Variants in RAC1 observed in about 807,000 individuals in gnomAD.
The protein encoded by RAC1 is ras-related C3 botulinum toxin substrate 1.
RAC1 carries 2 observed loss-of-function variants against 25.2 expected under a neutral mutation model. The ratio of observed to expected loss-of-function variants is 0.08; its 90% CI spans 0.03 to 0.25. The LOEUF is 0.25. Ranked by LOEUF, RAC1 falls within the 10% of genes least tolerant of loss-of-function variation. The pLI is 1.00. For synonymous variants in RAC1, 88 were observed against 94.0 expected (o/e 0.94, Z 0.37); for missense variants, 50 against 235.7 (o/e 0.21, Z 5.16).
rs1783478221 is a variant in RAC1 at position 6,403,440 on chromosome 7, T to A, written c.*994T>A. The A allele has an allele frequency of 4.6e-6, 1 of 215,398 alleles. No individual in the cohort carries two copies. Among genetic ancestry groups the A allele is most frequent in the East Asian group, 7.0e-5 (1 of 14,370 alleles). The allele number at this position is 215,398 out of a possible 1,614,324, so 13.3% of individuals were successfully genotyped here. ...TAGAACCCCTTCTGACTGAGCAATA[T>A]GCCTCCTTGTATTATAAAATCTTTC... is the stretch of plus-strand genomic sequence containing the variant. On this transcript the variant is annotated 3_prime_UTR_variant, in exon 6 of 6. Transcript: ENST00000348035.
At chr7:6,394,248 A>G (rs375989082) in intron 3 of RAC1, among the ~76,000 whole-genome samples, 2 of 152,026 alleles carry the variant, frequency 1.3e-5, no homozygotes, top group East Asian at 3.8e-4. Flanking sequence ...CAGACCATTC[A>G]TTTCTTCTTC....
intron 5 of RAC1, 49 bp from the exon 6 acceptor site, chr7:6,402,267 A>T (rs2115218057): frequency 6.4e-7 from 1 of 1,558,560 alleles, no homozygotes; most frequent in East Asian, 2.3e-5. Flanking sequence ...GTGTGATCAG[A>T]AGAGAGTGGG....
chr7:6,392,971 TCTC>T (rs1283819906), intron 3 of RAC1, among the ~76,000 whole-genome samples: 1 of 152,196 alleles, frequency 6.6e-6, no homozygotes, highest in Non-Finnish European at 1.5e-5. Flanking sequence ...CTGTCAGAAT[TCTC>T]CTGTTCCTCA....
At chr7:6,382,752 A>G (rs1429214398) in intron 1 of RAC1, among the ~76,000 whole-genome samples, 4 of 152,372 alleles carry the variant, frequency 2.6e-5, no homozygotes, top group African/African-American at 9.6e-5. Flanking sequence ...GCTTACGTGT[A>G]GTCCCAGCTA....
At chr7:6,383,435 T>TTAAAG (rs10631987) in intron 1 of RAC1, among the ~76,000 whole-genome samples, 92,312 of 151,572 alleles carry the variant, frequency 0.61, 29,955 homozygotes, top group East Asian at 0.91. Flanking sequence ...AGGTTGCACT[T>TTAAAG]TAAGAATTCT....
At chr7:6,382,328 A>G (rs571941259) in intron 1 of RAC1, among the ~76,000 whole-genome samples, 2 of 152,260 alleles carry the variant, frequency 1.3e-5, no homozygotes, top group East Asian at 1.9e-4. Context: ...TATGCTCTGT[A>G]TTTTGGTTTG....
At chr7:6,385,609 A>G (rs1455630349) in intron 1 of RAC1, among the ~76,000 whole-genome samples, 1 of 152,162 alleles carries the variant, frequency 6.6e-6, no homozygotes, top group Admixed American at 6.5e-5. Context: ...TGGTGATGTA[A>G]TGTTTGACTC....
At chr7:6,394,485 G>A (rs1783170792) in intron 3 of RAC1, among the ~76,000 whole-genome samples, 1 of 133,662 alleles carries the variant, frequency 7.5e-6, no homozygotes, top group African/African-American at 2.8e-5. Context: ...TTGCCTGCTT[G>A]TACCAGCATT....
At chr7:6,390,723 G>C (rs1186990996) in intron 2 of RAC1, among the ~76,000 whole-genome samples, 1 of 151,726 alleles carries the variant, frequency 6.6e-6, no homozygotes, top group East Asian at 1.9e-4. Context: ...TAGGATTTTT[G>C]TGGCTAAAAT....
chr7:6,395,010 A>T (rs1182889072), intron 3 of RAC1, among the ~76,000 whole-genome samples: 1 of 152,084 alleles, frequency 6.6e-6, no homozygotes, highest in Non-Finnish European at 1.5e-5. Flanking sequence ...GCCCGCCACC[A>T]CACCTGACTA....
intron 1 of RAC1, 137 bp from the exon 2 acceptor site, chr7:6,387,075 A>G: frequency 1.7e-6 from 1 of 581,420 alleles, no homozygotes; most frequent in Non-Finnish European, 3.0e-6. Context: ...AAAGGGTTAT[A>G]GAAAACATTT....
At chr7:6,388,882 T>A (rs1783000900) in intron 2 of RAC1, among the ~76,000 whole-genome samples, 2 of 152,220 alleles carry the variant, frequency 1.3e-5, no homozygotes, top group South Asian at 4.1e-4. Context: ...TCGTGCCAAA[T>A]CAAAAGACAA....
At chr7:6,387,147 C>T (rs1782945370) in intron 1 of RAC1, 65 bp from the exon 2 acceptor site, 1 of 1,031,930 alleles carries the variant, frequency 9.7e-7, no homozygotes, top group Non-Finnish European at 1.5e-6. Flanking sequence ...ATTATTTTAA[C>T]TTAATAGTGA....
chr7:6,384,621 G>A (rs1437335261), intron 1 of RAC1, among the ~76,000 whole-genome samples: 1 of 152,022 alleles, frequency 6.6e-6, no homozygotes, highest in African/African-American at 2.4e-5. Flanking sequence ...GGGACTACAG[G>A]CAAGAGCCAC....
intron 1 of RAC1, among the ~76,000 whole-genome samples, chr7:6,380,154 C>T (rs1782724348): frequency 6.6e-6 from 1 of 152,184 alleles, no homozygotes; most frequent in South Asian, 2.1e-4. Flanking sequence ...TTCTTTACTT[C>T]TGTTGAACGG....
chr7:6,399,041 G>A (rs1165177323), intron 3 of RAC1, among the ~76,000 whole-genome samples: 4 of 152,196 alleles, frequency 2.6e-5, no homozygotes, highest in Non-Finnish European at 5.9e-5. Flanking sequence ...GAGCCGAGCC[G>A]GAGCAGGACT....
intron 1 of RAC1, among the ~76,000 whole-genome samples, chr7:6,376,372 C>T (rs1254221860): frequency 2.6e-5 from 4 of 151,260 alleles, no homozygotes; most frequent in African/African-American, 9.7e-5. Context: ...TTAGTAGAGA[C>T]GGGGTTTCAC....
rs749418293 is a variant in RAC1 at position 6,398,658 on chromosome 7, C to G, written c.226-1468C>G. 3.1e-6 allele frequency: 5 copies of G among 1,613,440 alleles called. 1 individual carries two copies. The highest frequency in any genetic ancestry group is 3.3e-5 in the Admixed American group (2 of 59,980). ...ACTCAAACCAAGTTCTCATGCATTA[C>G]TAGGTTGGAGAAACGTACGGTAAGG... On this transcript the variant is annotated intron_variant, in intron 3 of 5. Coordinates refer to ENST00000348035, the MANE Select transcript of RAC1 (RefSeq NM_006908.5).
In RAC1 at chr7:6,380,911, C is replaced by T. The variant is rs6980378; in HGVS notation, c.35+6141C>T. Among the ~76,000 whole-genome samples, 448 of 152,174 alleles carry T rather than the reference C, an allele frequency of 2.9e-3. 1 individual carries two copies. Among genetic ancestry groups the T allele is most frequent in the African/African-American group, 9.8e-3 (408 of 41,516 alleles). ...TGAGGTGGAGTCTTGCTCTGTTGCC[C>T]AGGCTGGAGTGCAATGGCATGATCT... On this transcript the variant is annotated intron_variant, in intron 1 of 5. Coordinates refer to ENST00000348035, the MANE Select transcript of RAC1 (RefSeq NM_006908.5).
Sources: gnomAD v4.1 joint callset for allele counts (sites outside exome capture counted in the v4.1 genomes callset) on GRCh38, gnomAD v4.1.1 for gene constraint, MANE v1.5 for transcripts, NCBI Gene and HGNC (gene_info 2026-07-23, HGNC 2026-07-21) for gene names.